The following ZFAT variants were observed in gnomAD, a reference collection of about 807,000 sequenced individuals.
ZFAT encodes zinc finger and AT-hook domain containing.
Under a neutral mutation model 117.7 loss-of-function variants are expected in ZFAT, and 64 were observed. The ratio of observed to expected loss-of-function variants is 0.54; its 90% CI spans 0.44 to 0.67. The LOEUF is 0.67. ZFAT is among the 30% of genes least tolerant of loss of function. The pLI, the probability that ZFAT is intolerant of heterozygous loss-of-function variation, is 0.00. For missense variants in ZFAT, 1,433 were observed against 1,584.5 expected (o/e 0.90, Z 1.62); for synonymous variants, 679 against 615.0 (o/e 1.10, Z -1.54).
intron 12 of ZFAT, among the ~76,000 whole-genome samples, chr8:134,521,654 G>T (rs1422203386): frequency 2.6e-5 from 4 of 152,136 alleles, no homozygotes; most frequent in Non-Finnish European, 4.4e-5. Flanking sequence ...AAAAACTGGA[G>T]AGTCACACAA....
At chr8:134,523,074 C>G (rs372223519) in intron 12 of ZFAT, among the ~76,000 whole-genome samples, 1 of 152,160 alleles carries the variant, frequency 6.6e-6, no homozygotes, top group Non-Finnish European at 1.5e-5. Context: ...AGACTCAATG[C>G]CCCTTTCTAC....
intron 1 of ZFAT, among the ~76,000 whole-genome samples, chr8:134,665,871 T>C (rs114582781): frequency 0.013 from 2,016 of 152,286 alleles, 56 homozygotes; most frequent in African/African-American, 0.046. Context: ...CCTGAGGTCC[T>C]GCAGGCTGGG....
At chr8:134,709,187 T>C (rs1219970714) in intron 1 of ZFAT, among the ~76,000 whole-genome samples, 1 of 152,172 alleles carries the variant, frequency 6.6e-6, no homozygotes, top group Non-Finnish European at 1.5e-5. Flanking sequence ...AGGAGGCTGA[T>C]GTGGGAGGGT....
intron 3 of ZFAT, among the ~76,000 whole-genome samples, chr8:134,613,847 G>A (rs527529283): frequency 6.6e-6 from 1 of 152,330 alleles, no homozygotes; most frequent in South Asian, 2.1e-4. Flanking sequence ...GCAGCTAGGA[G>A]AGGCCAAGTG....
At chr8:134,531,763 G>C (rs1417568288) in intron 12 of ZFAT, among the ~76,000 whole-genome samples, 2 of 152,226 alleles carry the variant, frequency 1.3e-5, no homozygotes, top group Non-Finnish European at 2.9e-5. Flanking sequence ...AGTTTTCTGT[G>C]CTGCTCATCT....
At chr8:134,512,260 C>T (rs141018351) in intron 14 of ZFAT, among the ~76,000 whole-genome samples, 134 of 152,312 alleles carry the variant, frequency 8.8e-4, no homozygotes, top group Non-Finnish European at 1.6e-3. Context: ...CGGCCCTGTT[C>T]GAAGGCTTTC....
upstream of ZFAT, among the ~76,000 whole-genome samples, chr8:134,717,048 G>T (rs1013863544): frequency 3.3e-5 from 5 of 152,146 alleles, no homozygotes; most frequent in African/African-American, 1.2e-4. Context: ...TAAAAGGGGG[G>T]TTCAATAATT....
Position 134,483,153 on chromosome 8 carries a change from C to T in ZFAT, c.3493-4432G>A, listed in dbSNP as rs573589418. 6.6e-5 allele frequency among the ~76,000 whole-genome samples: 10 copies of T among 152,308 alleles called. No homozygotes were observed. The South Asian group carries it at 8.3e-4, about 13-fold the overall frequency. ...TTTTTACAAACCATGCACCTCCTTC[C>T]TTGCTCCCACGGCACCCAATATCCA... On this transcript the variant is annotated intron_variant, in intron 15 of 15. Coordinates refer to ENST00000377838, the MANE Select transcript of ZFAT (RefSeq NM_020863.4).
At chr8:134,716,598 G>T (rs975742158), upstream of ZFAT, among the ~76,000 whole-genome samples, 1 of 152,134 alleles carries the variant, frequency 6.6e-6, no homozygotes, top group Non-Finnish European at 1.5e-5. Flanking sequence ...GAAACATATT[G>T]CTATTCTCAG....
intron 1 of ZFAT, among the ~76,000 whole-genome samples, chr8:134,692,587 A>C (rs1460018641): frequency 6.6e-6 from 1 of 152,252 alleles, no homozygotes; most frequent in African/African-American, 2.4e-5. Flanking sequence ...TCACCTAGTC[A>C]AAGGATGAAA....
intron 1 of ZFAT, among the ~76,000 whole-genome samples, chr8:134,685,746 T>C (rs1011933462): frequency 3.9e-5 from 6 of 152,142 alleles, no homozygotes; most frequent in Non-Finnish European, 8.8e-5. Flanking sequence ...GAGGGCGACA[T>C]ATACGTGCTA....
At chr8:134,665,791 AAAACCTT>A (rs1257995985) in intron 1 of ZFAT, among the ~76,000 whole-genome samples, 2 of 152,092 alleles carry the variant, frequency 1.3e-5, no homozygotes, top group African/African-American at 4.8e-5. Context: ...TCACAGCAGC[AAAACCTT>A]GTAAAAACCC....
At chr8:134,703,006 G>C (rs1266460148) in intron 1 of ZFAT, among the ~76,000 whole-genome samples, 1 of 152,148 alleles carries the variant, frequency 6.6e-6, no homozygotes, top group Non-Finnish European at 1.5e-5. Context: ...CCCAGTCTCG[G>C]GTATGTCTTT....
chr8:134,574,645 CA>C (rs1825174355), intron 10 of ZFAT, among the ~76,000 whole-genome samples: 1 of 152,000 alleles, frequency 6.6e-6, no homozygotes, highest in Non-Finnish European at 1.5e-5. Context: ...GGATTTAAGG[CA>C]ACTTGTTTGA....
intron 13 of ZFAT, among the ~76,000 whole-genome samples, chr8:134,519,491 C>T (rs1418639753): frequency 6.6e-6 from 1 of 152,158 alleles, no homozygotes; most frequent in African/African-American, 2.4e-5. Context: ...TATGTGTATA[C>T]ACATTCATAT....
the ZFAT span, among the ~76,000 whole-genome samples, chr8:134,816,905 C>T: frequency 2.0e-5 from 3 of 150,602 alleles, no homozygotes; most frequent in African/African-American, 4.9e-5. Flanking sequence ...GGCTTGAACC[C>T]GGGAGGCGGA....
At position 134,478,332 on chromosome 8, in the gene ZFAT, T is replaced by C; in HGVS notation, c.*150A>G. The C allele has an allele frequency of 2.5e-6, 3 of 1,214,842 alleles. No individual in the cohort carries two copies. Among genetic ancestry groups the C allele is most frequent in the East Asian group, 2.6e-5 (1 of 38,912 alleles). 75.3% of individuals were successfully genotyped at this position (1,214,842 alleles called of 1,614,324 possible). On this transcript the variant is annotated 3_prime_UTR_variant, in exon 16 of 16. Coordinates refer to ENST00000377838, the MANE Select transcript of ZFAT (RefSeq NM_020863.4). The surrounding 1 kb of genome is among the most constrained non-coding windows in gnomAD (Gnocchi z 5.2). ...TGCTGACTGCCTTGCCCACCCCAAGTTGGACTAGGAGAGTCCTATCAGGCT... is the reference window on the plus strand; with the variant it reads ...TGCTGACTGCCTTGCCCACCCCAAGCTGGACTAGGAGAGTCCTATCAGGCT...
chr8:134,552,240 G>C (rs369047087), intron 11 of ZFAT, among the ~76,000 whole-genome samples: 95 of 151,808 alleles, frequency 6.3e-4, no homozygotes, highest in Non-Finnish European at 7.9e-4. Flanking sequence ...GAAGTGCCTG[G>C]TATTCAGAAA....
chr8:134,564,889 T>C, intron 11 of ZFAT: 2 of 1,096,016 alleles, frequency 1.8e-6, no homozygotes, highest in Non-Finnish European at 2.3e-6. Context: ...CCCTGCAACA[T>C]GCTGGGCACT....
Sources: allele counts gnomAD v4.1 joint callset (sites outside exome capture counted in the v4.1 genomes callset), GRCh38; gene constraint gnomAD v4.1.1; non-coding constraint Gnocchi (gnomAD v3.1); transcripts MANE v1.5; gene names NCBI Gene and HGNC (gene_info 2026-07-23, HGNC 2026-07-21).